Variants in AIDA observed in about 807,000 individuals in gnomAD.
AIDA encodes axin interactor, dorsalization associated.
Under a neutral mutation model 42.7 loss-of-function variants are expected in AIDA, and 18 were observed. The ratio of observed to expected loss-of-function variants is 0.42; its 90% CI spans 0.29 to 0.63. The LOEUF (loss-of-function observed/expected upper bound fraction) is 0.63. AIDA is among the 20% of genes least tolerant of loss of function. AIDA has a pLI of 0.19. For synonymous variants in AIDA, 104 were observed against 122.9 expected (o/e 0.85, Z 1.02); for missense variants, 250 against 354.1 (o/e 0.71, Z 2.36).
chr1:222,703,186 C>T lies in AIDA; in HGVS notation c.142G>A (p.Ala48Thr), dbSNP rs376034063. 3 of 1,609,686 alleles carry T rather than the reference C, an allele frequency of 1.9e-6. No individual in the cohort carries two copies. The African/African-American group carries it at 4.0e-5, about 22-fold the overall frequency. ...GTGAATTCAGAATTATTGTGTTGAGCTTGGGCCTCCTTTTGTAGATGTCTT... is the reference window on the plus strand; with the variant it reads ...GTGAATTCAGAATTATTGTGTTGAGTTTGGGCCTCCTTTTGTAGATGTCTT... Reference protein sequence around the residue: ...LARHLQKEAQAQHNNSEFTEE... With the variant: ...LARHLQKEAQTQHNNSEFTEE... Residue 48 changes from alanine (A) to threonine (T), a missense_variant, in exon 2 of 10, where the codon GCT becomes ACT. This residue lies in a region of AIDA where 199 missense variants were observed against 232.6 expected (regional missense o/e 0.86). Transcript: ENST00000340020.
At chr1:222,691,804 A>G (rs1038954620) in intron 4 of AIDA, among the ~76,000 whole-genome samples, 7 of 113,196 alleles carry the variant, frequency 6.2e-5, no homozygotes, top group African/African-American at 3.9e-4. Flanking sequence ...AAATGGGGGA[A>G]AAAATCAACC....
At position 222,696,122 on chromosome 1, in the gene AIDA, C is replaced by T. The variant is rs184465942; in HGVS notation, c.181-1859G>A. On this transcript the variant is annotated intron_variant, in intron 2 of 9. Transcript: ENST00000340020. The stretch of plus-strand genomic sequence containing the variant: ...CCCAACACAAGAGTTTAGAAGATGT[C>T]CAATTTTATTCTGAAAACTTACATT... Among the ~76,000 whole-genome samples, 31 of 152,242 alleles carry T rather than the reference C, an allele frequency of 2.0e-4. No individual in the cohort carries two copies. In the East Asian group the frequency reaches 3.3e-3, roughly 16 times the overall value.
intron 8 of AIDA, among the ~76,000 whole-genome samples, chr1:222,670,602 T>C (rs1466550505): frequency 1.3e-5 from 2 of 152,296 alleles, no homozygotes; most frequent in Middle Eastern, 3.4e-3. Flanking sequence ...TCAATACACA[T>C]AGAGACTCAT....
At chr1:222,694,623 T>G (rs1655462817) in intron 2 of AIDA, among the ~76,000 whole-genome samples, 1 of 152,214 alleles carries the variant, frequency 6.6e-6, no homozygotes, top group African/African-American at 2.4e-5. Flanking sequence ...CTTAAAAATA[T>G]CTGAAAGTTA....
intron 1 of AIDA, among the ~76,000 whole-genome samples, chr1:222,706,173 C>T (rs993514187): frequency 6.6e-6 from 1 of 152,132 alleles, no homozygotes. Flanking sequence ...AAGACAATAA[C>T]AAATGCTGGT....
At chr1:222,676,358 G>A (rs977999642) in intron 6 of AIDA, 140 bp from the exon 7 acceptor site, 11 of 917,068 alleles carry the variant, frequency 1.2e-5, no homozygotes, top group Non-Finnish European at 1.7e-5. Context: ...ACTCCCAAAC[G>A]CTTGGCATTA....
chr1:222,670,210 T>C lies in AIDA; in HGVS notation c.747A>G (p.Lys249=), dbSNP rs769694708. 23 of 1,614,136 alleles carry C rather than the reference T, an allele frequency of 1.4e-5. No individual in the cohort carries two copies. The South Asian group carries it at 2.1e-4, about 15-fold the overall frequency. ...IFFEFKHYKP[K]KRFTSTKCFA... is the part of the protein sequence containing the mutation. ...AACACTTGGTGCTGGTAAACCTTTT[T>C]TTAGGCTTGTAGTGTTTGAATTCAA... Residue 249 remains lysine, a synonymous_variant, in exon 9 of 10, where the codon AAA becomes AAG. Coordinates refer to ENST00000340020, the MANE Select transcript of AIDA (RefSeq NM_022831.4).
chr1:222,691,704 T>C (rs772486843), intron 4 of AIDA, among the ~76,000 whole-genome samples: 2 of 152,100 alleles, frequency 1.3e-5, no homozygotes, highest in Non-Finnish European at 2.9e-5. Context: ...TTGTATTAGA[T>C]ACTAAGAATG....
intron 6 of AIDA, 46 bp downstream of exon 6, chr1:222,686,884 T>G (rs1280818846): frequency 6.3e-7 from 1 of 1,582,702 alleles, no homozygotes; most frequent in Admixed American, 1.8e-5. Context: ...ACACCCTGAC[T>G]CTGGTTGCAG....
intron 9 of AIDA, 63 bp downstream of exon 9, chr1:222,670,070 T>C (rs1664417770): frequency 6.2e-7 from 1 of 1,607,996 alleles, no homozygotes; most frequent in Non-Finnish European, 8.5e-7. Context: ...ATATGGGGGA[T>C]TCAGAAGAAA....
intron 8 of AIDA, 124 bp downstream of exon 8, chr1:222,673,179 TATTCAAATCA>T (rs1285672450): frequency 1.3e-6 from 1 of 767,250 alleles, no homozygotes; most frequent in East Asian, 3.1e-5. Context: ...TATGTATATT[TATTCAAATCA>T]ATAAACACTA....
At chr1:222,687,103 A>G in intron 5 of AIDA, 67 bp from the exon 6 acceptor site, 1 of 1,563,450 alleles carries the variant, frequency 6.4e-7, no homozygotes, top group Non-Finnish European at 8.7e-7. Context: ...AGCCTCACAG[A>G]CACTCGTTTC....
At chr1:222,674,649 TG>T (rs2124948787) in intron 7 of AIDA, among the ~76,000 whole-genome samples, 1 of 152,326 alleles carries the variant, frequency 6.6e-6, no homozygotes, top group South Asian at 2.1e-4. Context: ...TGTAACAACC[TG>T]TTTTATACCA....
chr1:222,703,147 C>A lies in AIDA; in HGVS notation c.180+1G>T, dbSNP rs763614952. ...TATATCTAGAGATTATTTTATGGTA[C>A]CTTTTGTTCTTCTGTGAATTCAGAA... On this transcript the variant is annotated splice_donor_variant, in intron 2 of 9. Transcript: ENST00000340020. LOFTEE classifies it high-confidence loss of function. The A allele has an allele frequency of 1.9e-6, 3 of 1,598,492 alleles. No individual in the cohort carries two copies. Among genetic ancestry groups the A allele is most frequent in the South Asian group, 1.1e-5 (1 of 87,842 alleles).
At chr1:222,706,634 C>T (rs1369159888) in intron 1 of AIDA, among the ~76,000 whole-genome samples, 5 of 151,906 alleles carry the variant, frequency 3.3e-5, no homozygotes, top group East Asian at 1.9e-4. Context: ...ATTGGGAGGC[C>T]GAGGCAGGTG....
intron 1 of AIDA, among the ~76,000 whole-genome samples, chr1:222,703,594 C>G (rs1655767423): frequency 1.3e-5 from 2 of 152,118 alleles, no homozygotes; most frequent in South Asian, 2.1e-4. Flanking sequence ...GTGATTATAC[C>G]AACCAGAGAT....
At chr1:222,705,854 A>G (rs565337698) in intron 1 of AIDA, among the ~76,000 whole-genome samples, 1 of 152,300 alleles carries the variant, frequency 6.6e-6, no homozygotes, top group African/African-American at 2.4e-5. Context: ...ACTGCACTCC[A>G]GCCTGAGTAA....
At chr1:222,710,261 G>A (rs1282241369) in intron 1 of AIDA, among the ~76,000 whole-genome samples, 3 of 152,158 alleles carry the variant, frequency 2.0e-5, no homozygotes, top group African/African-American at 7.2e-5. Flanking sequence ...ATCATTACAT[G>A]TTTTCACTGA....
intron 6 of AIDA, among the ~76,000 whole-genome samples, chr1:222,685,156 A>G (rs1571929675): frequency 6.6e-6 from 1 of 152,200 alleles, no homozygotes; most frequent in East Asian, 1.9e-4. Flanking sequence ...GTTTCCAATA[A>G]CCCTGCAGTA....
Sources: allele counts gnomAD v4.1 joint callset (sites outside exome capture counted in the v4.1 genomes callset), GRCh38; gene constraint gnomAD v4.1.1; regional missense constraint gnomAD v4.1.1; transcripts MANE v1.5; gene names NCBI Gene and HGNC (gene_info 2026-07-23, HGNC 2026-07-21).